TTK: variants seen among roughly 807,000 people sequenced by gnomAD.
The protein encoded by TTK is dual specificity protein kinase TTK.
In TTK, 59 loss-of-function variants were observed where a neutral mutation model predicts 117.3. The observed-to-expected ratio is 0.50, with a 90% CI of 0.41 to 0.62. The LOEUF is 0.62. Ranked by LOEUF, TTK falls within the 20% of genes least tolerant of loss-of-function variation. The pLI is 0.00. For missense variants in TTK, 921 were observed against 989.4 expected, an observed-to-expected ratio of 0.93 and a Z score of 0.93; for synonymous variants, 302 against 325.0, an observed-to-expected ratio of 0.93 and a Z score of 0.76.
intron 10 of TTK, among the ~76,000 whole-genome samples, chr6:80,022,075 TA>T (rs1767473883): frequency 6.6e-6 from 1 of 152,204 alleles, no homozygotes; most frequent in Non-Finnish European, 1.5e-5. Flanking sequence ...AAGAAGCATT[TA>T]AATGTGGCAA....
chr6:80,016,152 T>C (rs1456682306), intron 10 of TTK, among the ~76,000 whole-genome samples: 1 of 152,222 alleles, frequency 6.6e-6, no homozygotes, highest in Admixed American at 6.5e-5. Flanking sequence ...GGATAACAGT[T>C]TTTTGTCTAA....
Position 80,039,662 on chromosome 6 carries a change from G to A in TTK, c.2131-34G>A, listed in dbSNP as rs754795508. ...TTTTTCATTTTATATGAAAATAACA[G>A]CAACTTTTTTGTGTTTGTTTGTTTT... On this transcript the variant is annotated intron_variant, in intron 18 of 21. Coordinates refer to ENST00000369798, the MANE Select transcript of TTK (RefSeq NM_003318.5). The A allele has an allele frequency of 3.1e-5, 45 of 1,464,680 alleles. 1 individual carries two copies. The South Asian group carries it at 7.2e-4, about 23-fold the overall frequency. The allele number at this position is 1,464,680 out of a possible 1,614,324, so 90.7% of individuals were successfully genotyped here.
At chr6:80,018,075 T>C (rs1412119693) in intron 10 of TTK, among the ~76,000 whole-genome samples, 1 of 151,892 alleles carries the variant, frequency 6.6e-6, no homozygotes, top group Non-Finnish European at 1.5e-5. Context: ...TGCAGGAGGC[T>C]GAGGTGAAAG....
chr6:80,033,836 A>G (rs1431997361), intron 14 of TTK, among the ~76,000 whole-genome samples: 31 of 152,138 alleles, frequency 2.0e-4, no homozygotes, highest in Non-Finnish European at 1.5e-5. Flanking sequence ...GAATTACCTA[A>G]TTTAATTGCT....
rs550747967 is a variant in TTK, at chr6:80,033,814, A to G, written c.1615-1171A>G. On this transcript the variant is annotated intron_variant, in intron 14 of 21. Coordinates refer to ENST00000369798, the MANE Select transcript of TTK (RefSeq NM_003318.5). The stretch of plus-strand genomic sequence containing the variant: ...TTGGTTTCATTATACATTTCCTTTT[A>G]TCAATCTATTTGAATTACCTAATTT... Among the ~76,000 whole-genome samples, 25 of 152,314 alleles carry G rather than the reference A, an allele frequency of 1.6e-4. No individual in the cohort carries two copies. In the South Asian group the frequency reaches 5.2e-3, roughly 32 times the overall value.
At chr6:80,008,162 A>G in intron 3 of TTK, 131 bp downstream of exon 3, 1 of 1,136,734 alleles carries the variant, frequency 8.8e-7, no homozygotes, top group Admixed American at 3.0e-5. Context: ...TTTTGCTTAT[A>G]GTTAACAAGA....
intron 10 of TTK, among the ~76,000 whole-genome samples, chr6:80,015,407 A>T (rs946101172): frequency 3.9e-5 from 6 of 152,184 alleles, no homozygotes; most frequent in African/African-American, 1.4e-4. Flanking sequence ...TAATAGGATG[A>T]TCATTGTCCA....
chr6:80,012,513 G>T (rs1767188241), intron 8 of TTK, among the ~76,000 whole-genome samples: 1 of 151,950 alleles, frequency 6.6e-6, no homozygotes, highest in East Asian at 1.9e-4. Context: ...TCCCTGTTAA[G>T]AAATGGGAAT....
At chr6:80,036,070 A>G (rs953361223) in intron 16 of TTK, among the ~76,000 whole-genome samples, 2 of 152,036 alleles carry the variant, frequency 1.3e-5, no homozygotes, top group African/African-American at 4.8e-5. Flanking sequence ...CTGGCAGTAT[A>G]ATTTGTGATG....
intron 2 of TTK, 127 bp downstream of exon 2, chr6:80,006,109 C>A: frequency 7.8e-7 from 1 of 1,285,918 alleles, no homozygotes; most frequent in Non-Finnish European, 1.1e-6. Flanking sequence ...CATTAGAATG[C>A]AGGCTACATG....
chr6:80,035,054 A>G lies in TTK; in HGVS notation c.1684A>G (p.Asn562Asp), dbSNP rs866301407. 6.2e-7 allele frequency: 1 copy of G among 1,603,244 alleles called. No individual in the cohort carries two copies. The highest frequency in any genetic ancestry group is 1.3e-5 in the African/African-American group (1 of 74,464). The change falls in exon 15 of 22, where the codon AAC becomes GAC. Residue 562 changes from asparagine to aspartate, a missense_variant. Transcript: ENST00000369798. ...ATATGTGAACTTAGAAGAAGCAGAT[A>G]ACCAAACTCTTGATAGTTACCGGAA... ...IKYVNLEEADNQTLDSYRNEI... is the reference protein window; with the variant it reads ...IKYVNLEEADDQTLDSYRNEI...
intron 18 of TTK, among the ~76,000 whole-genome samples, 167 bp downstream of exon 18, chr6:80,038,214 CT>C (rs1562026168): frequency 6.6e-6 from 1 of 152,158 alleles, no homozygotes; most frequent in Non-Finnish European, 1.5e-5. Context: ...TTTTTCACCA[CT>C]TATTCGTTTG....
At position 80,034,994 on chromosome 6, in the gene TTK, G is replaced by C; in HGVS notation, c.1624G>C (p.Val542Leu). 1 of 1,562,458 alleles carries C rather than the reference G, an allele frequency of 6.4e-7. No individual in the cohort carries two copies. The highest frequency in any genetic ancestry group is 8.6e-7 in the Non-Finnish European group (1 of 1,160,072). The change falls in exon 15 of 22, where the codon GTG becomes CTG. Residue 542 changes from valine to leucine, a missense_variant. By Grantham distance (32) the Val-to-Leu change is conservative. Coordinates refer to ENST00000369798, the MANE Select transcript of TTK (RefSeq NM_003318.5). The part of the protein sequence containing the change: ...GSGGSSKVFQ[V>L]LNEKKQIYAI... The stretch of plus-strand genomic sequence containing the variant: ...TTGTTCTACTCTGTAGGTATTTCAG[G>C]TGTTAAATGAAAAGAAACAGATATA...
chr6:80,041,299 A>G (rs1768043826), intron 21 of TTK, among the ~76,000 whole-genome samples: 1 of 151,834 alleles, frequency 6.6e-6, no homozygotes, highest in Non-Finnish European at 1.5e-5. Context: ...AACCTAAACT[A>G]TCAATACTCG....
intron 10 of TTK, among the ~76,000 whole-genome samples, chr6:80,018,036 G>A (rs1767355959): frequency 6.6e-6 from 1 of 152,008 alleles, no homozygotes; most frequent in Admixed American, 6.6e-5. Context: ...TTAGCTGGGT[G>A]TGGTGGTATG....
At chr6:80,025,352 T>G (rs1162850068) in intron 11 of TTK, among the ~76,000 whole-genome samples, 1 of 152,170 alleles carries the variant, frequency 6.6e-6, no homozygotes, top group Non-Finnish European at 1.5e-5. Context: ...GACTGAAATG[T>G]AGAAAGTAGG....
intron 20 of TTK, 84 bp downstream of exon 20, chr6:80,040,364 T>A: frequency 8.3e-7 from 1 of 1,208,944 alleles, no homozygotes; most frequent in Non-Finnish European, 1.1e-6. Flanking sequence ...AGACAGAATC[T>A]AAATTGGCTA....
chr6:80,013,553 C>A, intron 9 of TTK, 187 bp downstream of exon 9: 1 of 462,168 alleles, frequency 2.2e-6, no homozygotes, highest in Non-Finnish European at 3.8e-6. Flanking sequence ...TATGTTTCTC[C>A]AAGATTAAGG....
In TTK at chr6:80,011,420, CA is replaced by C; in HGVS notation, c.614-10del. 1.3e-6 allele frequency: 2 copies of C among 1,530,986 alleles called. No individual in the cohort carries two copies. Among genetic ancestry groups the C allele is most frequent in the East Asian group, 2.3e-5 (1 of 43,450 alleles). The allele number at this position is 1,530,986 out of a possible 1,614,324, so 94.8% of individuals were successfully genotyped here. ...TTTCTTATAAATTTAATCATAGTTTCAAAATTTTTACAGCATCTACGGTATT... is the reference window on the plus strand; with the variant it reads ...TTTCTTATAAATTTAATCATAGTTTCAAATTTTTACAGCATCTACGGTATT... On this transcript the variant is annotated splice_polypyrimidine_tract_variant and intron_variant, in intron 5 of 21. Transcript: ENST00000369798.
Sources: gnomAD v4.1 joint callset for allele counts (sites outside exome capture counted in the v4.1 genomes callset) on GRCh38, gnomAD v4.1.1 for gene constraint, MANE v1.5 for transcripts, NCBI Gene and HGNC (gene_info 2026-07-23, HGNC 2026-07-21) for gene names.